The following BABAM2 variants were observed in gnomAD, a reference collection of about 807,000 sequenced individuals.
The protein encoded by BABAM2 is BRISC and BRCA1 A complex member 2, also known as BRISC and BRCA1-A complex member 2.
BABAM2 carries 31 observed loss-of-function variants against 54.7 expected under a neutral mutation model. The observed-to-expected ratio is 0.57, with a 90% CI of 0.43 to 0.77. BABAM2 has a LOEUF of 0.77. BABAM2 is among the 30% of genes least tolerant of loss of function. The pLI is 0.00. For synonymous variants in BABAM2, 167 were observed against 162.9 expected (o/e 1.03, Z -0.19); for missense variants, 364 against 455.8 (o/e 0.80, Z 1.83).
rs116704954 is a variant in BABAM2, at chr2:28,074,987, G to C, written c.570+29188G>C. On this transcript the variant is annotated intron_variant, in intron 6 of 11. Transcript: ENST00000379624. ...AGGTTTGATATAGACCAAGAAAAAG[G>C]AGGGCAAGTTGATGGAGCTCCCCTA... Among the ~76,000 whole-genome samples, 385 of 152,242 alleles carry C rather than the reference G, an allele frequency of 2.5e-3. 4 individuals are homozygous for C. Among genetic ancestry groups the C allele is most frequent in the African/African-American group, 9.0e-3 (372 of 41,530 alleles).
rs543148809 is a variant in BABAM2 at position 28,254,599 on chromosome 2, C to T, written c.934+9737C>T. ...TAGTGAACCGCTATCACCCATATCG[C>T]AGTTTGAATACCTTGTTTCTTCTAT... is the stretch of plus-strand genomic sequence containing the variant. On this transcript the variant is annotated intron_variant, in intron 10 of 11. Transcript: ENST00000379624. Among the ~76,000 whole-genome samples the T allele has an allele frequency of 1.8e-4, 27 of 152,170 alleles. No individual in the cohort carries two copies. In the South Asian group the frequency reaches 5.4e-3, roughly 30 times the overall value.
At chr2:28,172,120 G>A (rs1298012994) in intron 7 of BABAM2, among the ~76,000 whole-genome samples, 1 of 151,616 alleles carries the variant, frequency 6.6e-6, no homozygotes, top group African/African-American at 2.4e-5. Flanking sequence ...TGTGTGGTGT[G>A]TGTGTATAAT....
chr2:28,330,705 A>T (rs1381272889), intron 11 of BABAM2, among the ~76,000 whole-genome samples: 1 of 152,260 alleles, frequency 6.6e-6, no homozygotes, highest in Non-Finnish European at 1.5e-5. Context: ...ATGGAAAAAC[A>T]TTCCAAGCTC....
rs186499064 is a variant in BABAM2 at position 28,182,638 on chromosome 2, G to C, written c.680+53258G>C. On this transcript the variant is annotated intron_variant, in intron 7 of 11. Transcript: ENST00000379624. The stretch of plus-strand genomic sequence containing the variant: ...TTCAGGGTTCCCAGCCTTGAGAAGA[G>C]GACCTGCTATGCAGTTACTGCGGAC... 2.7e-3 allele frequency among the ~76,000 whole-genome samples: 408 copies of C among 152,322 alleles called. 1 individual carries two copies. Among genetic ancestry groups the C allele is most frequent in the African/African-American group, 9.3e-3 (386 of 41,574 alleles).
intron 5 of BABAM2, among the ~76,000 whole-genome samples, chr2:28,029,881 A>G (rs1021711184): frequency 1.3e-5 from 2 of 152,190 alleles, no homozygotes; most frequent in Non-Finnish European, 2.9e-5. Context: ...TATGGCTCAT[A>G]AGGAAAACTT....
intron 10 of BABAM2, among the ~76,000 whole-genome samples, chr2:28,287,180 A>T (rs1026983474): frequency 6.6e-6 from 1 of 152,204 alleles, no homozygotes; most frequent in Non-Finnish European, 1.5e-5. Context: ...TTAAAAGCTT[A>T]TGACTTTTTA....
chr2:27,890,467 GC>G, upstream of BABAM2: 1 of 910,694 alleles, frequency 1.1e-6, no homozygotes, highest in Non-Finnish European at 1.7e-6. The surrounding 1 kb of genome is among the most constrained non-coding windows in gnomAD (Gnocchi z 4.8). Context: ...TACGCGGGTC[GC>G]CCACCTGACT....
intron 7 of BABAM2, among the ~76,000 whole-genome samples, chr2:28,199,162 A>G (rs1677975068): frequency 6.6e-6 from 1 of 152,204 alleles, no homozygotes; most frequent in African/African-American, 2.4e-5. Flanking sequence ...TCGAGGGCAA[A>G]CAATTGATTT....
chr2:27,889,200 A>G (rs1664640516), upstream of BABAM2, among the ~76,000 whole-genome samples: 1 of 152,230 alleles, frequency 6.6e-6, no homozygotes, highest in African/African-American at 2.4e-5. Flanking sequence ...TAAATTGGTT[A>G]CATGAAGACC....
intron 7 of BABAM2, among the ~76,000 whole-genome samples, chr2:28,230,103 A>G (rs192087779): frequency 6.6e-6 from 1 of 152,208 alleles, no homozygotes; most frequent in African/African-American, 2.4e-5. Context: ...TTACAGCTAT[A>G]AAGTGTGTTT....
At chr2:28,094,989 G>C (rs1212572549) in intron 6 of BABAM2, among the ~76,000 whole-genome samples, 3 of 149,050 alleles carry the variant, frequency 2.0e-5, no homozygotes, top group African/African-American at 7.4e-5. Context: ...GTAGGGGAAT[G>C]ATTTATGATA....
Position 27,995,704 on chromosome 2 carries a change from C to T in BABAM2, c.300+7617C>T, listed in dbSNP as rs993744982. Reference sequence around the variant, plus strand: ...ACGCCATTCTCCTGCCTCAGCCTCCCGAGTAGCTGGGACTACAGGCGCCCG... The same window carrying T: ...ACGCCATTCTCCTGCCTCAGCCTCCTGAGTAGCTGGGACTACAGGCGCCCG... On this transcript the variant is annotated intron_variant, in intron 4 of 11. Transcript: ENST00000379624. The surrounding 1 kb of genome is among the most constrained non-coding windows in gnomAD (Gnocchi z 4.1). Among the ~76,000 whole-genome samples, 4 of 152,036 alleles carry T rather than the reference C, an allele frequency of 2.6e-5. No homozygotes were observed. Among genetic ancestry groups the T allele is most frequent in the African/African-American group, 4.8e-5 (2 of 41,398 alleles).
chr2:28,207,343 T>TA (rs11342724), intron 7 of BABAM2, among the ~76,000 whole-genome samples: 99 of 142,984 alleles, frequency 6.9e-4, no homozygotes, highest in African/African-American at 2.5e-3. Context: ...GTCTCTAGTT[T>TA]AAAAAAAAAA....
intron 3 of BABAM2, among the ~76,000 whole-genome samples, chr2:27,961,509 G>T (rs1670466901): frequency 6.6e-6 from 1 of 152,112 alleles, no homozygotes; most frequent in African/African-American, 2.4e-5. Context: ...GGTAGGCTAG[G>T]TTAAGCTATG....
Position 28,279,663 on chromosome 2 carries a change from T to G in BABAM2, c.935-18675T>G, listed in dbSNP as rs1686181330. On this transcript the variant is annotated intron_variant, in intron 10 of 11. Coordinates refer to ENST00000379624, the MANE Select transcript of BABAM2 (RefSeq NM_199191.3). ...TGCAGACAGGGCAGCTCAAAGGCTT[T>G]TTTTTTTTTTTTTTTTTTTGAGATG... 3.4e-5 allele frequency among the ~76,000 whole-genome samples: 5 copies of G among 145,770 alleles called. No homozygotes were observed. The South Asian group carries it at 1.1e-3, about 33-fold the overall frequency.
intron 7 of BABAM2, among the ~76,000 whole-genome samples, chr2:28,229,104 C>T (rs1458880419): frequency 6.6e-6 from 1 of 152,114 alleles, no homozygotes; most frequent in Non-Finnish European, 1.5e-5. Flanking sequence ...CTGGAAACAC[C>T]CTCAAGGACT....
rs1676018518 is a variant in BABAM2, at chr2:28,184,284, CT to C, written c.681-52917del. 7.6e-5 allele frequency among the ~76,000 whole-genome samples: 9 copies of C among 117,976 alleles called. No homozygotes were observed. The East Asian group carries it at 1.2e-3, about 16-fold the overall frequency. The allele number at this position is 117,976 out of a possible 152,430, so 77.4% of individuals were successfully genotyped here. A position where few individuals can be genotyped will look rare whatever the true frequency, so the allele number is the denominator to read the frequency against. ...CCTCCCTCTCTCTCTCTCTCTCTCT[CT>C]CCCCCCCTCCCTCTCTCCCTCTCTC... On this transcript the variant is annotated intron_variant, in intron 7 of 11. Transcript: ENST00000379624.
chr2:28,278,049 C>A (rs1166582587), intron 10 of BABAM2, among the ~76,000 whole-genome samples: 1 of 152,184 alleles, frequency 6.6e-6, no homozygotes, highest in Non-Finnish European at 1.5e-5. Context: ...TGGGCTGATG[C>A]AATCCATTCC....
intron 6 of BABAM2, among the ~76,000 whole-genome samples, chr2:28,096,502 C>T (rs1250805960): frequency 6.6e-6 from 1 of 151,964 alleles, no homozygotes; most frequent in Non-Finnish European, 1.5e-5. Flanking sequence ...TTGGTGTGAG[C>T]ATGGGGTTGA....
Sources: allele counts gnomAD v4.1 joint callset (sites outside exome capture counted in the v4.1 genomes callset), GRCh38; gene constraint gnomAD v4.1.1; non-coding constraint Gnocchi (gnomAD v3.1); transcripts MANE v1.5; gene names NCBI Gene and HGNC (gene_info 2026-07-23, HGNC 2026-07-21).